The following DZANK1 variants were observed in gnomAD, a reference collection of about 807,000 sequenced individuals.
DZANK1 encodes the protein double zinc ribbon and ankyrin repeat-containing protein 1.
In DZANK1, 91 loss-of-function variants were observed where a neutral mutation model predicts 94.5. The ratio of observed to expected loss-of-function variants is 0.96; its 90% CI spans 0.81 to 1.15. The LOEUF (loss-of-function observed/expected upper bound fraction) is 1.15. DZANK1 is among the 50% of genes most tolerant of loss of function. The pLI, the probability that DZANK1 is intolerant of heterozygous loss-of-function variation, is 0.00. For missense variants in DZANK1, 903 were observed against 916.4 expected (o/e 0.99, Z 0.19); for synonymous variants, 312 against 325.3 (o/e 0.96, Z 0.44).
intron 12 of DZANK1, among the ~76,000 whole-genome samples, chr20:18,413,770 ACT>A (rs543547852): frequency 7.2e-5 from 11 of 151,914 alleles, no homozygotes; most frequent in African/African-American, 2.2e-4. Context: ...ACACAGCGAG[ACT>A]CTGTCTCAAA....
chr20:18,411,725 C>A (rs1489502733), intron 13 of DZANK1, among the ~76,000 whole-genome samples: 1 of 152,200 alleles, frequency 6.6e-6, no homozygotes, highest in Non-Finnish European at 1.5e-5. Flanking sequence ...AGCAAACTGT[C>A]TTAGTCCATT....
intron 13 of DZANK1, among the ~76,000 whole-genome samples, chr20:18,399,943 G>C (rs1331389418): frequency 6.6e-6 from 1 of 152,200 alleles, no homozygotes; most frequent in Non-Finnish European, 1.5e-5. Flanking sequence ...GATTTTCCAA[G>C]GTCATGCAGC....
At chr20:18,413,413 C>T (rs1273322859) in intron 12 of DZANK1, among the ~76,000 whole-genome samples, 3 of 152,146 alleles carry the variant, frequency 2.0e-5, no homozygotes, top group African/African-American at 7.2e-5. Context: ...GAGAAAAGAA[C>T]ACCTTTGTTT....
intron 20 of DZANK1, among the ~76,000 whole-genome samples, chr20:18,384,774 A>C (rs934885753): frequency 6.6e-6 from 1 of 152,168 alleles, no homozygotes; most frequent in Non-Finnish European, 1.5e-5. Context: ...AAAATGTCCA[A>C]TTGCAAATCC....
intron 3 of DZANK1, among the ~76,000 whole-genome samples, chr20:18,456,972 G>C (rs1486118446): frequency 2.0e-5 from 3 of 152,148 alleles, no homozygotes; most frequent in African/African-American, 7.2e-5. Flanking sequence ...TTAATTTTCA[G>C]AAACTGCCAA....
At chr20:18,445,319 G>A (rs181118938) in intron 7 of DZANK1, among the ~76,000 whole-genome samples, 3 of 152,278 alleles carry the variant, frequency 2.0e-5, no homozygotes, top group Non-Finnish European at 2.9e-5. Context: ...CTTAATAGCA[G>A]AGTATCAAAG....
At chr20:18,392,154 A>T (rs2056040220) in intron 17 of DZANK1, among the ~76,000 whole-genome samples, 1 of 152,228 alleles carries the variant, frequency 6.6e-6, no homozygotes, top group Non-Finnish European at 1.5e-5. Context: ...ACAGTGGAAG[A>T]TTCAGGTTAT....
chr20:18,394,186 TG>T, intron 16 of DZANK1, 67 bp downstream of exon 16: 1 of 1,386,896 alleles, frequency 7.2e-7, no homozygotes, highest in Non-Finnish European at 1.0e-6. Context: ...AGCAGTTCTC[TG>T]CTATACCTGC....
chr20:18,384,955 C>G (rs2048392828), intron 20 of DZANK1, 61 bp downstream of exon 20: 1 of 1,469,310 alleles, frequency 6.8e-7, no homozygotes, highest in Non-Finnish European at 9.3e-7. Flanking sequence ...AAAATCATCA[C>G]AGGCCATTAG....
chr20:18,465,808 C>T (rs533258631), intron 1 of DZANK1, among the ~76,000 whole-genome samples: 3 of 152,292 alleles, frequency 2.0e-5, no homozygotes, highest in Admixed American at 2.0e-4. Flanking sequence ...GTGTGTACCA[C>T]AAAATGTTAG....
intron 13 of DZANK1, among the ~76,000 whole-genome samples, chr20:18,412,061 C>G (rs2057282961): frequency 1.3e-5 from 2 of 152,106 alleles, no homozygotes; most frequent in South Asian, 4.1e-4. Context: ...CTTAATACCA[C>G]CACAATAGAG....
In DZANK1 at chr20:18,393,852, C is replaced by G. The variant is rs767971506; in HGVS notation, c.1709-41G>C. Reference sequence around the variant, plus strand: ...TGGGGAAAAAAATGATGCCCCTCCCCCAACTCCCCACACAAACAGTTATTT... The same window carrying G: ...TGGGGAAAAAAATGATGCCCCTCCCGCAACTCCCCACACAAACAGTTATTT... On this transcript the variant is annotated intron_variant, in intron 16 of 20. Transcript: ENST00000262547. 16 of 1,285,156 alleles carry G rather than the reference C, an allele frequency of 1.2e-5. No homozygotes were observed. The East Asian group carries it at 3.7e-4, about 30-fold the overall frequency. 79.6% of individuals were successfully genotyped at this position (1,285,156 alleles called of 1,614,324 possible). A position where few individuals can be genotyped will look rare whatever the true frequency, so the allele number is the denominator to read the frequency against.
At chr20:18,419,493 A>C (rs886657743) in intron 10 of DZANK1, among the ~76,000 whole-genome samples, 1 of 152,214 alleles carries the variant, frequency 6.6e-6, no homozygotes, top group African/African-American at 2.4e-5. Context: ...CATTATAGCC[A>C]AACTGCTGAA....
At chr20:18,432,401 C>T (rs1365781705) in intron 9 of DZANK1, 2 of 152,184 alleles carry the variant, frequency 1.3e-5, no homozygotes, top group Non-Finnish European at 2.9e-5. Flanking sequence ...AGAAAGACTT[C>T]CAGGACTGTA....
chr20:18,385,638 G>A (rs555791812), intron 19 of DZANK1, among the ~76,000 whole-genome samples: 8 of 152,128 alleles, frequency 5.3e-5, no homozygotes, highest in East Asian at 3.9e-4. Flanking sequence ...GGATGGTATC[G>A]GTCTCCTAAC....
chr20:18,394,962 G>A (rs1301674925), intron 15 of DZANK1: 3 of 441,204 alleles, frequency 6.8e-6, no homozygotes, highest in Non-Finnish European at 1.4e-5. Context: ...AAGTCTGTGT[G>A]CACCCGGACT....
intron 19 of DZANK1, 93 bp from the exon 20 acceptor site, chr20:18,385,183 C>T (rs2048409211): frequency 1.6e-6 from 2 of 1,231,572 alleles, no homozygotes; most frequent in South Asian, 2.6e-5. Context: ...TGGTTTTGCT[C>T]ACCGACCTAC....
chr20:18,462,933 G>A (rs2059522750), intron 2 of DZANK1, among the ~76,000 whole-genome samples: 1 of 60,928 alleles, frequency 1.6e-5, no homozygotes, highest in African/African-American at 6.9e-5. Flanking sequence ...GTAAGACTCG[G>A]TCTTAAAAAA....
chr20:18,461,948 T>C (rs1297406881), intron 2 of DZANK1, among the ~76,000 whole-genome samples: 3 of 151,960 alleles, frequency 2.0e-5, no homozygotes, highest in African/African-American at 7.3e-5. Flanking sequence ...CCATGGATGG[T>C]TAAGCAATTT....
Sources: gnomAD v4.1 joint callset for allele counts (sites outside exome capture counted in the v4.1 genomes callset) on GRCh38, gnomAD v4.1.1 for gene constraint, MANE v1.5 for transcripts, NCBI Gene and HGNC (gene_info 2026-07-23, HGNC 2026-07-21) for gene names.